ADCY5: variants seen among roughly 807,000 people sequenced by gnomAD.
ADCY5 encodes adenylate cyclase type 5.
In ADCY5, 30 loss-of-function variants were observed where a neutral mutation model predicts 119.7. The observed-to-expected ratio is 0.25, with a 90% CI of 0.19 to 0.34. The LOEUF is 0.34. ADCY5 is among the 10% of genes least tolerant of loss of function. The pLI, the probability that ADCY5 is intolerant of heterozygous loss-of-function variation, is 1.00. For synonymous variants in ADCY5, 753 were observed against 762.2 expected, an observed-to-expected ratio of 0.99 and a Z score of 0.20; for missense variants, 1,324 against 1,775.2, an observed-to-expected ratio of 0.75 and a Z score of 4.57.
intron 15 of ADCY5, among the ~76,000 whole-genome samples, chr3:123,299,750 A>G (rs761706162): frequency 3.3e-5 from 5 of 152,150 alleles, no homozygotes; most frequent in Non-Finnish European, 5.9e-5. Flanking sequence ...TGGGACACAG[A>G]CCCTGTGAAC....
chr3:123,411,952 C>A (rs556364285), intron 1 of ADCY5, among the ~76,000 whole-genome samples: 1 of 152,304 alleles, frequency 6.6e-6, no homozygotes, highest in South Asian at 2.1e-4. Context: ...ACCAAGCCCA[C>A]CCACACAGAA....
chr3:123,345,740 A>G (rs1373489991), intron 3 of ADCY5, among the ~76,000 whole-genome samples: 3 of 93,882 alleles, frequency 3.2e-5, no homozygotes, highest in Non-Finnish European at 6.7e-5. Flanking sequence ...ACAGAGAGAC[A>G]GACAGACAGA....
chr3:123,425,352 G>A (rs1945385266), intron 1 of ADCY5, among the ~76,000 whole-genome samples: 1 of 152,112 alleles, frequency 6.6e-6, no homozygotes, highest in African/African-American at 2.4e-5. Context: ...AGATCCCTCG[G>A]GTGTCCCATT....
At position 123,448,493 on chromosome 3, in the gene ADCY5, G is replaced by T. The variant is rs1945872457; in HGVS notation, c.53C>A (p.Ala18Glu). The change falls in exon 1 of 21, where the codon GCG (alanine) becomes GAG (glutamate). Residue 18 changes from alanine to glutamate, a missense_variant. Physicochemically the swap from Ala to Glu is moderately radical, Grantham distance 107 (BLOSUM62 -1). This residue lies in a region of ADCY5 where 585 missense variants were observed against 569.9 expected (regional missense o/e 1.03). Coordinates refer to ENST00000462833, the MANE Select transcript of ADCY5 (RefSeq NM_183357.3). ...SPPGYAAQKT[A>E]APAPRGGPEH... ...GGGGCCTCCCCGGGGCGCCGGCGCCGCAGTCTTCTGCGCCGCGTAGCCCGG... is the reference window on the plus strand; with the variant it reads ...GGGGCCTCCCCGGGGCGCCGGCGCCTCAGTCTTCTGCGCCGCGTAGCCCGG... 4.7e-6 allele frequency: 6 copies of T among 1,269,158 alleles called. No individual in the cohort carries two copies. The South Asian group carries it at 1.6e-4, about 35-fold the overall frequency. The allele number at this position is 1,269,158 out of a possible 1,614,324, so 78.6% of individuals were successfully genotyped here.
chr3:123,321,466 C>T (rs1371547100), intron 8 of ADCY5, among the ~76,000 whole-genome samples: 2 of 152,148 alleles, frequency 1.3e-5, no homozygotes, highest in South Asian at 2.1e-4. Flanking sequence ...CTATGAATTC[C>T]GCAAAGGGAG....
At chr3:123,317,385 T>C (rs1940969413) in intron 11 of ADCY5, among the ~76,000 whole-genome samples, 1 of 150,490 alleles carries the variant, frequency 6.6e-6, no homozygotes, top group African/African-American at 2.4e-5. Context: ...ATACTTTGGG[T>C]GACTCAATTG....
intron 1 of ADCY5, among the ~76,000 whole-genome samples, chr3:123,413,110 G>A (rs1701444940): frequency 6.6e-6 from 1 of 152,164 alleles, no homozygotes; most frequent in South Asian, 2.1e-4. Flanking sequence ...CCCCTGTTCT[G>A]TTTTCCCATT....
At chr3:123,421,674 G>A (rs1027809354) in intron 1 of ADCY5, among the ~76,000 whole-genome samples, 1 of 152,174 alleles carries the variant, frequency 6.6e-6, no homozygotes, top group Non-Finnish European at 1.5e-5. Context: ...GGGCATGGGG[G>A]CACAGGACAG....
intron 3 of ADCY5, among the ~76,000 whole-genome samples, chr3:123,339,384 C>G (rs540343056): frequency 6.6e-6 from 1 of 152,224 alleles, no homozygotes; most frequent in African/African-American, 2.4e-5. Flanking sequence ...AGGTCAGACA[C>G]CAGAGGGCTG....
chr3:123,406,088 C>T (rs1944891776), intron 1 of ADCY5, among the ~76,000 whole-genome samples: 1 of 152,216 alleles, frequency 6.6e-6, no homozygotes, highest in Non-Finnish European at 1.5e-5. Context: ...ATCCAGAGGC[C>T]ATACTCCCAA....
Position 123,448,623 on chromosome 3 carries a change from C to A in ADCY5, c.-78G>T. Reference sequence around the variant, plus strand: ...GGTCTCCAAGGGGAGGGCGGACGGCCGAGCAGGGGGACCAGGCTAGGGTCA... The same window carrying A: ...GGTCTCCAAGGGGAGGGCGGACGGCAGAGCAGGGGGACCAGGCTAGGGTCA... On this transcript the variant is annotated 5_prime_UTR_variant, in exon 1 of 21. Transcript: ENST00000462833. 4 of 1,233,118 alleles carry A rather than the reference C, an allele frequency of 3.2e-6. No homozygotes were observed. Among genetic ancestry groups the A allele is most frequent in the Non-Finnish European group, 4.1e-6 (4 of 981,576 alleles). The allele number at this position is 1,233,118 out of a possible 1,614,324, so 76.4% of individuals were successfully genotyped here. A position where few individuals can be genotyped will look rare whatever the true frequency, so the allele number is the denominator to read the frequency against.
At chr3:123,303,945 G>T in intron 13 of ADCY5, 122 bp downstream of exon 13, 3 of 689,640 alleles carry the variant, frequency 4.4e-6, no homozygotes, top group Non-Finnish European at 7.8e-6. Context: ...CCAGACCCAG[G>T]TGCGAAACAA....
chr3:123,329,387 G>T (rs1941652491), intron 5 of ADCY5, among the ~76,000 whole-genome samples: 1 of 152,152 alleles, frequency 6.6e-6, no homozygotes, highest in African/African-American at 2.4e-5. Flanking sequence ...CTAGAGGAAA[G>T]CTTGGTCCCG....
intron 20 of ADCY5, 138 bp from the exon 21 acceptor site, chr3:123,284,874 G>A (rs1938628637): frequency 1.7e-6 from 2 of 1,179,244 alleles, no homozygotes; most frequent in Admixed American, 1.9e-5. Flanking sequence ...CCCCACTGAG[G>A]TGCTCTCAGG....
rs540532771 is a variant in ADCY5 at position 123,327,473 on chromosome 3, G to A, written c.1947+145C>T. The A allele has an allele frequency of 2.7e-4, 239 of 880,926 alleles. No homozygotes were observed. The African/African-American group carries it at 2.8e-3, about 10-fold the overall frequency. 54.6% of individuals were successfully genotyped at this position (880,926 alleles called of 1,614,324 possible). On this transcript the variant is annotated intron_variant, in intron 7 of 20. Coordinates refer to ENST00000462833, the MANE Select transcript of ADCY5 (RefSeq NM_183357.3). ...ATCCTTTTTGCAAGGCCTAACTGCCGGGGTCCTTTTTAAGATGCAGGAACC... is the reference window on the plus strand; with the variant it reads ...ATCCTTTTTGCAAGGCCTAACTGCCAGGGTCCTTTTTAAGATGCAGGAACC...
chr3:123,418,957 T>C (rs1945241866), intron 1 of ADCY5: 1 of 168,282 alleles, frequency 5.9e-6, no homozygotes, highest in Non-Finnish European at 1.2e-5. Context: ...TTGTCTCTCC[T>C]GGGTTTCAGG....
rs1381817473 is a variant in ADCY5 at position 123,448,185 on chromosome 3, C to T, written c.361G>A (p.Gly121Ser). ...CGGGTGCTGCCCCCGCTGGCCGCGCCCCGCCGCTGCCGGCGGCTGCCGCGA... is the reference window on the plus strand; with the variant it reads ...CGGGTGCTGCCCCCGCTGGCCGCGCTCCGCCGCTGCCGGCGGCTGCCGCGA... ...CGRGSRRQRR[G>S]AASGGSTRAP... Residue 121 changes from glycine (G) to serine (S), a missense_variant, in exon 1 of 21, where the codon GGC becomes AGC. By Grantham distance (56) the Gly-to-Ser change is moderately conservative (BLOSUM62 0). Coordinates refer to ENST00000462833, the MANE Select transcript of ADCY5 (RefSeq NM_183357.3). 43 of 1,210,954 alleles carry T rather than the reference C, an allele frequency of 3.6e-5. No homozygotes were observed. The highest frequency in any genetic ancestry group is 4.4e-5 in the Non-Finnish European group (43 of 975,856). 75.0% of individuals were successfully genotyped at this position (1,210,954 alleles called of 1,614,324 possible).
intron 1 of ADCY5, among the ~76,000 whole-genome samples, chr3:123,426,299 G>GTTTTTTTTTTTTT (rs750760543): frequency 5.1e-5 from 5 of 97,918 alleles, no homozygotes; most frequent in Non-Finnish European, 6.9e-5. Context: ...TTTCTTTTGT[G>GTTTTTTTTTTTTT]TTTTTTTTTT....
At chr3:123,374,212 A>C (rs1019548420) in intron 1 of ADCY5, among the ~76,000 whole-genome samples, 2 of 152,148 alleles carry the variant, frequency 1.3e-5, no homozygotes, top group Non-Finnish European at 2.9e-5. Context: ...TGAAAACAAC[A>C]GTCCTCAAAA....
Sources: gnomAD v4.1 joint callset for allele counts (sites outside exome capture counted in the v4.1 genomes callset) on GRCh38, gnomAD v4.1.1 for gene constraint, gnomAD v4.1.1 regional missense constraint, MANE v1.5 for transcripts, NCBI Gene and HGNC (gene_info 2026-07-23, HGNC 2026-07-21) for gene names.